The following FARP1 variants were observed in gnomAD, a reference collection of about 807,000 sequenced individuals.
FARP1 encodes FERM, ARHGEF and pleckstrin domain-containing protein 1.
Under a neutral mutation model 128.8 loss-of-function variants are expected in FARP1, and 52 were observed. The ratio of observed to expected loss-of-function variants is 0.40; its 90% CI spans 0.32 to 0.51. FARP1 has a LOEUF of 0.51. Among genes scored for constraint, FARP1 ranks in the 20% least tolerant of loss-of-function variants. The probability of loss-of-function intolerance (pLI) is 0.45; values close to 1 mark genes in which losing one functional copy is unlikely to be tolerated. For missense variants in FARP1, 1,333 were observed against 1,367.9 expected (o/e 0.97, Z 0.40); for synonymous variants, 580 against 551.8 (o/e 1.05, Z -0.72).
intron 2 of FARP1, among the ~76,000 whole-genome samples, chr13:98,293,760 C>T (rs1594367874): frequency 1.3e-5 from 2 of 152,162 alleles, no homozygotes; most frequent in Non-Finnish European, 2.9e-5. Context: ...AGGGATTTAT[C>T]GGGTTAACAT....
chr13:98,244,733 A>G, intron 2 of FARP1: 2 of 1,607,040 alleles, frequency 1.2e-6, no homozygotes, highest in African/African-American at 2.7e-5. Flanking sequence ...GTCCTGTTTC[A>G]TTATTTCATT....
At chr13:98,308,033 CTTTTTTTTTT>C (rs10536692) in intron 2 of FARP1, among the ~76,000 whole-genome samples, 26 of 16,960 alleles carry the variant, frequency 1.5e-3, no homozygotes, top group Admixed American at 3.6e-3. Flanking sequence ...CACTCTCTCT[CTTTTTTTTTT>C]TTTTTTTTTT....
chr13:98,197,862 C>T (rs1879674505), intron 1 of FARP1, among the ~76,000 whole-genome samples: 2 of 152,012 alleles, frequency 1.3e-5, no homozygotes, highest in African/African-American at 2.4e-5. Context: ...GTCTCGATCT[C>T]CTGACCTCGT....
chr13:98,305,470 A>C (rs1886104698), intron 2 of FARP1, among the ~76,000 whole-genome samples: 1 of 152,080 alleles, frequency 6.6e-6, no homozygotes, highest in East Asian at 1.9e-4. Context: ...AATAGCTGGG[A>C]TTACAGGCAC....
intron 2 of FARP1, among the ~76,000 whole-genome samples, chr13:98,259,882 A>AGTGTGT (rs60886784): frequency 0.12 from 15,904 of 128,708 alleles, 1,052 homozygotes; most frequent in African/African-American, 0.14. Flanking sequence ...ATACCTGAAA[A>AGTGTGT]GTGTGTGTGT....
At chr13:98,414,700 A>G (rs1205800345) in intron 16 of FARP1, among the ~76,000 whole-genome samples, 1 of 152,252 alleles carries the variant, frequency 6.6e-6, no homozygotes, top group East Asian at 1.9e-4. Flanking sequence ...CATTTGCCCT[A>G]AAATGCCTCA....
At chr13:98,372,081 C>CTTTTTTTTTTT (rs56838920) in intron 5 of FARP1, among the ~76,000 whole-genome samples, 10 of 92,348 alleles carry the variant, frequency 1.1e-4, no homozygotes, top group South Asian at 4.1e-4. Flanking sequence ...CCCAGTTTTT[C>CTTTTTTTTTTT]TTTTTTTTTT....
At chr13:98,275,626 C>CTTT (rs1566822544) in intron 2 of FARP1, among the ~76,000 whole-genome samples, 1 of 140,524 alleles carries the variant, frequency 7.1e-6, no homozygotes, top group African/African-American at 2.7e-5. Flanking sequence ...TTCTCTTTCT[C>CTTT]TCTTTTTTTT....
rs771154702 is a variant in FARP1 at position 98,393,685 on chromosome 13, G to T, written c.1131G>T (p.Gln377His). 6.2e-7 allele frequency: 1 copy of T among 1,614,014 alleles called. No homozygotes were observed. Residue 377 changes from glutamine (Q) to histidine (H), a missense_variant, in exon 12 of 27, where the codon CAG becomes CAT. Transcript: ENST00000319562. ...KIHSIRSLASQPTELNSEVLE... is the reference protein window; with the variant it reads ...KIHSIRSLASHPTELNSEVLE... ...ATTCTATCCGGAGCCTTGCTTCACA[G>T]CCTACAGAACTGAATTCGGAAGTGC...
intron 1 of FARP1, among the ~76,000 whole-genome samples, chr13:98,195,794 A>G (rs1247267148): frequency 6.6e-6 from 1 of 152,174 alleles, no homozygotes. Context: ...TGGGAAGCCA[A>G]GATGGAAGGA....
At chr13:98,413,312 C>T (rs1192471649) in intron 16 of FARP1, among the ~76,000 whole-genome samples, 2 of 152,110 alleles carry the variant, frequency 1.3e-5, no homozygotes, top group East Asian at 1.9e-4. Context: ...GAAAATGCCA[C>T]GTTAGCAAGA....
intron 2 of FARP1, among the ~76,000 whole-genome samples, chr13:98,224,047 A>G (rs1283008515): frequency 2.6e-5 from 4 of 152,224 alleles, no homozygotes; most frequent in Non-Finnish European, 5.9e-5. Flanking sequence ...GCCAGCAAAC[A>G]GAACTCAGGT....
chr13:98,198,508 G>A (rs1375046735), intron 1 of FARP1, among the ~76,000 whole-genome samples: 1 of 152,110 alleles, frequency 6.6e-6, no homozygotes, highest in African/African-American at 2.4e-5. Flanking sequence ...GAGGTGGGAG[G>A]ATCCCTTGAG....
At chr13:98,288,583 A>T (rs1885304544) in intron 2 of FARP1, among the ~76,000 whole-genome samples, 1 of 152,146 alleles carries the variant, frequency 6.6e-6, no homozygotes, top group Non-Finnish European at 1.5e-5. Context: ...TGTCTCCTTT[A>T]AATAGATTCT....
At chr13:98,285,077 T>C (rs1885100408) in intron 2 of FARP1, among the ~76,000 whole-genome samples, 1 of 152,186 alleles carries the variant, frequency 6.6e-6, no homozygotes, top group South Asian at 2.1e-4. Flanking sequence ...CGAGTATTAT[T>C]ATTCAGTAGC....
chr13:98,427,251 A>T (rs1218740341), intron 17 of FARP1, among the ~76,000 whole-genome samples: 2 of 151,986 alleles, frequency 1.3e-5, no homozygotes, highest in African/African-American at 4.8e-5. Flanking sequence ...TCCAGATGTC[A>T]CATAGCTGGG....
intron 16 of FARP1, among the ~76,000 whole-genome samples, chr13:98,419,048 G>A (rs1311728950): frequency 6.6e-6 from 1 of 152,198 alleles, no homozygotes; most frequent in Non-Finnish European, 1.5e-5. Context: ...AAGGCGCGGC[G>A]TTCCCGGCCC....
Position 98,395,415 on chromosome 13 carries a change from G to C in FARP1, c.1353G>C (p.Glu451Asp). The C allele has an allele frequency of 6.2e-7, 1 of 1,611,270 alleles. No individual in the cohort carries two copies. Among genetic ancestry groups the C allele is most frequent in the Non-Finnish European group, 8.5e-7 (1 of 1,178,672 alleles). ...DGAASAPTEEEEEVVKDRTQQ... is the reference protein window; with the variant it reads ...DGAASAPTEEDEEVVKDRTQQ... ...CCGCCTCGGCGCCCACGGAGGAAGA[G>C]GAGGAGGTCGTTAAGGATAGGACCC... is the stretch of plus-strand genomic sequence containing the variant. Residue 451 changes from glutamate to aspartate, a missense_variant, in exon 13 of 27, where the codon GAG (glutamate) becomes GAC (aspartate). Glu to Asp is a conservative substitution (Grantham distance 45). Transcript: ENST00000319562.
rs1892495873 is a variant in FARP1 at position 98,440,850 on chromosome 13, G to C, written c.2796+14G>C. The C allele has an allele frequency of 6.3e-7, 1 of 1,580,682 alleles. No homozygotes were observed. Among genetic ancestry groups the C allele is most frequent in the East Asian group, 2.3e-5 (1 of 42,988 alleles). ...ATCGCAGTGGAGGTACGCAGGGGCA[G>C]GGCAGCTCTGGTTCCCAGCTTGTGC... On this transcript the variant is annotated intron_variant, in intron 24 of 26. Transcript: ENST00000319562.
Sources: gnomAD v4.1 joint callset for allele counts (sites outside exome capture counted in the v4.1 genomes callset) on GRCh38, gnomAD v4.1.1 for gene constraint, MANE v1.5 for transcripts, NCBI Gene and HGNC (gene_info 2026-07-23, HGNC 2026-07-21) for gene names.